The following COA8 variants were observed in gnomAD, a reference collection of about 807,000 sequenced individuals.
COA8 encodes the protein UPF0671 protein C14orf153.
COA8 carries 20 observed loss-of-function variants against 22.0 expected under a neutral mutation model. The observed-to-expected ratio is 0.91, with a 90% CI of 0.64 to 1.32. COA8 has a LOEUF of 1.32. Among genes scored for constraint, COA8 ranks in the 40% most tolerant of loss-of-function variants. COA8 has a pLI of 0.00. For missense variants in COA8, 266 were observed against 230.0 expected (o/e 1.16, Z -1.01); for synonymous variants, 105 against 79.9 (o/e 1.31, Z -1.68).
chr14:103,579,056 C>T (rs1007345609), intron 3 of COA8, among the ~76,000 whole-genome samples: 4 of 152,166 alleles, frequency 2.6e-5, no homozygotes, highest in African/African-American at 9.7e-5. Context: ...CTATGTTGAC[C>T]AGGCTGGCCT....
At chr14:103,577,461 C>T (rs762415996) in intron 3 of COA8, among the ~76,000 whole-genome samples, 1 of 152,134 alleles carries the variant, frequency 6.6e-6, no homozygotes, top group African/African-American at 2.4e-5. Context: ...TCAGTGCTGG[C>T]GGAGTTACAT....
intron 2 of COA8, among the ~76,000 whole-genome samples, 179 bp from the exon 3 acceptor site, chr14:103,573,928 A>G (rs917691334): frequency 9.2e-5 from 14 of 152,152 alleles, no homozygotes; most frequent in African/African-American, 3.4e-4. Flanking sequence ...TTCAAGCACA[A>G]AACTTTTAAC....
intron 1 of COA8, among the ~76,000 whole-genome samples, chr14:103,565,347 T>G (rs1204947315): frequency 6.6e-6 from 1 of 152,154 alleles, no homozygotes; most frequent in Admixed American, 6.5e-5. Flanking sequence ...ACTCAGCTTT[T>G]CAGAAATATA....
In COA8 at chr14:103,563,042, C is replaced by G. The variant is rs74917403; in HGVS notation, c.41C>G (p.Pro14Arg). 1,578 of 1,543,338 alleles carry G rather than the reference C, an allele frequency of 1.0e-3. 9 individuals carry two copies. The African/African-American group carries it at 0.018, about 18-fold the overall frequency. Residue 14 changes from proline (P) to arginine (R), a missense_variant, in exon 1 of 5, where the codon CCT (proline) becomes CGT (arginine). Pro to Arg is a moderately radical substitution (Grantham distance 103, BLOSUM62 -2). Coordinates refer to ENST00000409074, the MANE Select transcript of COA8 (RefSeq NM_001370595.2). The stretch of plus-strand genomic sequence containing the variant: ...GCGGGGAAGAAGACCTTTCTCCCCC[C>G]TCTCTGCCGCGCCTTCGCCTGCCGC... Reference protein sequence around the residue: ...LRAGKKTFLPPLCRAFACRGC... With the variant: ...LRAGKKTFLPRLCRAFACRGC...
rs751996050 is a variant in COA8 at position 103,590,169 on chromosome 14, G to A, written c.477-12G>A. 6.2e-7 allele frequency: 1 copy of A among 1,612,782 alleles called. No individual in the cohort carries two copies. Among genetic ancestry groups the A allele is most frequent in the Non-Finnish European group, 8.5e-7 (1 of 1,178,954 alleles). The stretch of plus-strand genomic sequence containing the variant: ...CCACCGTGTCACCTGTGCATCCTCT[G>A]TTTCTCTACAGAGATTGGTACAAGC... On this transcript the variant is annotated splice_polypyrimidine_tract_variant and intron_variant, in intron 4 of 4. Coordinates refer to ENST00000409074, the MANE Select transcript of COA8 (RefSeq NM_001370595.2).
At position 103,580,084 on chromosome 14, in the gene COA8, G is replaced by A. The variant is rs569216757; in HGVS notation, c.385+5914G>A. On this transcript the variant is annotated intron_variant, in intron 3 of 4. Transcript: ENST00000409074. ...ATGGGAGGATGCGAGTAGGTTATTT[G>A]CAAATATTTGGAGACAAAGCCTTGC... Among the ~76,000 whole-genome samples the A allele has an allele frequency of 6.6e-5, 10 of 151,548 alleles. No individual in the cohort carries two copies. The East Asian group carries it at 2.0e-3, about 30-fold the overall frequency.
At chr14:103,574,211 G>A (rs375549685) in intron 3 of COA8, 41 bp downstream of exon 3, 37 of 1,605,276 alleles carry the variant, frequency 2.3e-5, no homozygotes, top group East Asian at 1.8e-4. Flanking sequence ...CTTTCTTTGC[G>A]TTTGAGCTAG....
intron 4 of COA8, 50 bp downstream of exon 4, chr14:103,587,414 G>A: frequency 7.7e-7 from 1 of 1,300,346 alleles, no homozygotes; most frequent in Non-Finnish European, 1.1e-6. Flanking sequence ...TCCAGATTAG[G>A]TAGGAGTGTT....
chr14:103,580,487 G>T (rs575537568), intron 3 of COA8, among the ~76,000 whole-genome samples: 1 of 149,496 alleles, frequency 6.7e-6, no homozygotes, highest in African/African-American at 2.5e-5. Flanking sequence ...TTTGTTTTTT[G>T]TTTTTTGTGG....
rs956334205 is a variant in COA8, at chr14:103,581,917, C to G, written c.386-5357C>G. On this transcript the variant is annotated intron_variant, in intron 3 of 4. Coordinates refer to ENST00000409074, the MANE Select transcript of COA8 (RefSeq NM_001370595.2). This position sits in a 1 kb window ranked among gnomAD's most constrained non-coding sequence, Gnocchi z 4.1. Reference sequence around the variant, plus strand: ...ATAAAGGGGTTGCCAGACACCCTCCCTGCTCTGTGGAGGGAGGGTGGAATC... The same window carrying G: ...ATAAAGGGGTTGCCAGACACCCTCCGTGCTCTGTGGAGGGAGGGTGGAATC... Among the ~76,000 whole-genome samples, 2 of 152,306 alleles carry G rather than the reference C, an allele frequency of 1.3e-5. No homozygotes were observed. The highest frequency in any genetic ancestry group is 2.9e-5 in the Non-Finnish European group (2 of 68,020).
chr14:103,566,941 T>C (rs1220334243), intron 1 of COA8, among the ~76,000 whole-genome samples: 1 of 152,198 alleles, frequency 6.6e-6, no homozygotes, highest in Non-Finnish European at 1.5e-5. Context: ...AGGGTCTTGC[T>C]CTGTTGCCCA....
chr14:103,571,985 G>A (rs959077344), intron 2 of COA8, among the ~76,000 whole-genome samples, 165 bp downstream of exon 2: 12 of 152,094 alleles, frequency 7.9e-5, no homozygotes, highest in Admixed American at 7.2e-4. Flanking sequence ...AAATTAGCCC[G>A]GCGTGGTGGC....
At chr14:103,577,367 C>T (rs927116007) in intron 3 of COA8, among the ~76,000 whole-genome samples, 25 of 151,894 alleles carry the variant, frequency 1.6e-4, no homozygotes, top group African/African-American at 5.6e-4. Flanking sequence ...TGAGCCACCG[C>T]GCCCAGCCTA....
At chr14:103,574,250 A>G in intron 3 of COA8, 80 bp downstream of exon 3, 1 of 1,590,672 alleles carries the variant, frequency 6.3e-7, no homozygotes, top group Non-Finnish European at 8.6e-7. Context: ...AAGGGCGGTG[A>G]GAGAGGTGGG....
intron 3 of COA8, 136 bp downstream of exon 3, chr14:103,574,306 C>T: frequency 8.6e-7 from 1 of 1,163,076 alleles, no homozygotes; most frequent in Non-Finnish European, 1.3e-6. Context: ...GTGCTCGGCA[C>T]ACCCCTGTCC....
rs190920873 is a variant in COA8 at position 103,563,024 on chromosome 14, A to G, written c.23A>G (p.Lys8Arg). The change falls in exon 1 of 5, where the codon AAG becomes AGG. Residue 8 changes from lysine to arginine, a missense_variant. Transcript: ENST00000409074. ...GCCATGGTGGTCTTGCGGGCGGGGA[A>G]GAAGACCTTTCTCCCCCCTCTCTGC... MVVLRAG[K>R]KTFLPPLCRA... 4,076 of 1,556,566 alleles carry G rather than the reference A, an allele frequency of 2.6e-3. 93 individuals are homozygous for G. In the African/African-American group the frequency reaches 0.047, roughly 18 times the overall value.
At chr14:103,576,168 T>G (rs2076228802) in intron 3 of COA8, among the ~76,000 whole-genome samples, 1 of 152,144 alleles carries the variant, frequency 6.6e-6, no homozygotes. Flanking sequence ...TAGCTGGTCG[T>G]GGTGGCACTT....
chr14:103,574,328 C>G, intron 3 of COA8, 158 bp downstream of exon 3: 1 of 950,380 alleles, frequency 1.1e-6, no homozygotes, highest in African/African-American at 1.6e-5. Context: ...AGTTCTCTTG[C>G]ACACCCAGTT....
At chr14:103,572,420 G>A (rs2076194700) in intron 2 of COA8, among the ~76,000 whole-genome samples, 1 of 152,174 alleles carries the variant, frequency 6.6e-6, no homozygotes, top group Non-Finnish European at 1.5e-5. Flanking sequence ...ATAGGTGTGT[G>A]TGTTTATCTT....
Sources: allele counts gnomAD v4.1 joint callset (sites outside exome capture counted in the v4.1 genomes callset), GRCh38; gene constraint gnomAD v4.1.1; non-coding constraint Gnocchi (gnomAD v3.1); transcripts MANE v1.5; gene names NCBI Gene and HGNC (gene_info 2026-07-23, HGNC 2026-07-21).